The following SH3TC2 variants were observed in gnomAD, a reference collection of about 807,000 sequenced individuals.
SH3TC2 encodes the protein SH3 domain and tetratricopeptide repeat-containing protein 2.
A neutral mutation model predicts 124.5 loss-of-function variants in SH3TC2; 87 were observed. The observed-to-expected ratio is 0.70, with a 90% CI of 0.59 to 0.84. SH3TC2 has a LOEUF of 0.84. Ranked by LOEUF, SH3TC2 falls within the 40% of genes least tolerant of loss-of-function variation. The pLI is 0.00. For synonymous variants in SH3TC2, 634 were observed against 628.5 expected, an observed-to-expected ratio of 1.01 and a Z score of -0.13; for missense variants, 1,536 against 1,566.4, an observed-to-expected ratio of 0.98 and a Z score of 0.33.
At chr5:149,052,307 G>T in intron 1 of SH3TC2, 67 bp from the exon 2 acceptor site, 2 of 1,296,192 alleles carry the variant, frequency 1.5e-6, no homozygotes, top group Non-Finnish European at 2.2e-6. Flanking sequence ...TATAAGCAAG[G>T]CTGTAGTTTT....
At chr5:149,010,680 T>C (rs990785677) in intron 13 of SH3TC2, among the ~76,000 whole-genome samples, 7 of 151,952 alleles carry the variant, frequency 4.6e-5, no homozygotes, top group Admixed American at 3.9e-4. Flanking sequence ...TTTTAATGTG[T>C]TTTAGAAAAA....
Position 149,004,762 on chromosome 5 carries a change from C to A in SH3TC2, c.3816G>T (p.Gly1272=), listed in dbSNP as rs1038817068. 1.2e-6 allele frequency: 2 copies of A among 1,614,074 alleles called. No individual in the cohort carries two copies. The highest frequency in any genetic ancestry group is 1.7e-6 in the Non-Finnish European group (2 of 1,180,026). Residue 1272 remains glycine, a synonymous_variant, in exon 17 of 17, where the codon GGG becomes GGT. Transcript: ENST00000515425. ...GCCACCGCGCCCTCTCTGAGGAGCA[C>A]CCGGAGGGCCTGCTGTGCCACAGGG... The part of the protein sequence containing the change: ...QSPLWHSRPS[G]CSSERARWLS...
intron 12 of SH3TC2, among the ~76,000 whole-genome samples, chr5:149,022,805 A>G (rs1753997167): frequency 6.6e-6 from 1 of 152,228 alleles, no homozygotes; most frequent in Non-Finnish European, 1.5e-5. Context: ...CAAATACTGT[A>G]TGATACCATT....
intron 6 of SH3TC2, 138 bp from the exon 7 acceptor site, chr5:149,040,815 G>A: frequency 1.3e-6 from 1 of 795,376 alleles, no homozygotes. Context: ...AGTTTATTGA[G>A]AACTTACTTT....
chr5:149,038,437 G>A lies in SH3TC2; in HGVS notation c.859C>T (p.Leu287=). Residue 287 remains leucine (L), a synonymous_variant, in exon 8 of 17, where the codon CTG becomes TTG. Transcript: ENST00000515425. ...ATGCTTTCTCCCTGGTAGAAATTCA[G>A]TTCATCCTTTTCTCCTGGCTCATAA... ...TGYEPGEKDE[L]NFYQGESIEI... is the part of the protein sequence containing the mutation. 2 of 1,614,160 alleles carry A rather than the reference G, an allele frequency of 1.2e-6. No individual in the cohort carries two copies. Among genetic ancestry groups the A allele is most frequent in the Non-Finnish European group, 1.7e-6 (2 of 1,180,022 alleles).
rs1245770490 is a variant in SH3TC2, at chr5:149,008,882, G to A, written c.3447C>T (p.Ala1149=). Residue 1149 remains alanine, a synonymous_variant, in exon 15 of 17, where the codon GCC becomes GCT. Coordinates refer to ENST00000515425, the MANE Select transcript of SH3TC2 (RefSeq NM_024577.4). ...CTGTGCTGAGCCTGGCGGCCAGGGT[G>A]GCAAATTCCAAAGCCTTCTCATAGC... ...LEGYEKALEF[A]TLAARLSTVT... is the part of the protein sequence containing the mutation. The A allele has an allele frequency of 1.2e-6, 2 of 1,614,186 alleles. No individual in the cohort carries two copies. Among genetic ancestry groups the A allele is most frequent in the Non-Finnish European group, 1.7e-6 (2 of 1,180,036 alleles).
In SH3TC2 at chr5:149,040,596, A is replaced by C; in HGVS notation, c.805+8T>G. ...CCTAACAATACTATGTTTTTGACTC[A>C]GCCATACCAATCTGATAGGAGCCTG... is the stretch of plus-strand genomic sequence containing the variant. On this transcript the variant is annotated splice_region_variant and intron_variant, in intron 7 of 16. Transcript: ENST00000515425. 1 of 1,612,658 alleles carries C rather than the reference A, an allele frequency of 6.2e-7. No homozygotes were observed. The highest frequency in any genetic ancestry group is 1.1e-5 in the South Asian group (1 of 91,058).
rs978398733 is a variant in SH3TC2, at chr5:149,042,851, C to A, written c.386-14G>T. ...TGGATACGTAGCCTAAGAAGTCAAG[C>A]CAACAAGATTTCTGAACAAAATGAT... On this transcript the variant is annotated splice_polypyrimidine_tract_variant and intron_variant, in intron 4 of 16. Transcript: ENST00000515425. 1 of 1,613,900 alleles carries A rather than the reference C, an allele frequency of 6.2e-7. No individual in the cohort carries two copies.
At position 148,996,514 on chromosome 5, in the gene SH3TC2, A is replaced by G. The variant is rs1753512448; in HGVS notation, c.*8197T>C. Among the ~76,000 whole-genome samples the G allele has an allele frequency of 6.6e-6, 1 of 152,186 alleles. No individual in the cohort carries two copies. Among genetic ancestry groups the G allele is most frequent in the South Asian group, 2.1e-4 (1 of 4,830 alleles). ...AAAGTTAGTTTTGTTTTGTTTTATG[A>G]ATAAGTAGCTTTTTGGTCACCAGGA... On this transcript the variant is annotated 3_prime_UTR_variant, in exon 17 of 17. Transcript: ENST00000515425.
In SH3TC2 at chr5:149,003,849, C is replaced by CAAAA. The variant is rs5872107; in HGVS notation, c.*858_*861dup. The CAAAA allele has an allele frequency of 6.8e-4, 116 of 171,836 alleles. No homozygotes were observed. Among genetic ancestry groups the CAAAA allele is most frequent in the South Asian group, 1.8e-3 (41 of 23,356 alleles). The allele number at this position is 171,836 out of a possible 1,614,324, so 10.6% of individuals were successfully genotyped here. ...CTGGGCAACAGAGGAGAAACTGTCT[C>CAAAA]AAAAAAAAAAAAAAAAAAAAAAGAC... On this transcript the variant is annotated 3_prime_UTR_variant, in exon 17 of 17. Transcript: ENST00000515425.
intron 1 of SH3TC2, among the ~76,000 whole-genome samples, chr5:149,062,060 G>C (rs565375526): frequency 1.3e-5 from 2 of 152,258 alleles, no homozygotes; most frequent in South Asian, 4.1e-4. Flanking sequence ...GTCTGTCAGA[G>C]AGTAGAAAGC....
In SH3TC2 at chr5:148,994,722, GGATGGATGGATGGATGAATA is replaced by G. The variant is rs1753479257; in HGVS notation, c.*9969_*9988del. On this transcript the variant is annotated 3_prime_UTR_variant, in exon 17 of 17. Coordinates refer to ENST00000515425, the MANE Select transcript of SH3TC2 (RefSeq NM_024577.4). ...AGGATGGATGGATGGATGGATGGAT[GGATGGATGGATGGATGAATA>G]GATGGATGAATAGATGGATGAATAG... Among the ~76,000 whole-genome samples, 1 of 151,750 alleles carries G rather than the reference GGATGGATGGATGGATGAATA, an allele frequency of 6.6e-6. No individual in the cohort carries two copies. Among genetic ancestry groups the G allele is most frequent in the African/African-American group, 2.4e-5 (1 of 41,232 alleles).
chr5:149,034,364 A>G (rs1754247921), intron 8 of SH3TC2: 1 of 201,340 alleles, frequency 5.0e-6, no homozygotes, highest in Admixed American at 5.8e-5. Context: ...ATTAAGCAAG[A>G]ATGAGGATAG....
rs548290965 is a variant in SH3TC2, at chr5:148,998,844, G to C, written c.*5867C>G. ...AGTCCCCTGAGTTCTGGAATAATCA[G>C]ACAGAGTTGGGAGAGTGAGGGGGTA... On this transcript the variant is annotated 3_prime_UTR_variant, in exon 17 of 17. Coordinates refer to ENST00000515425, the MANE Select transcript of SH3TC2 (RefSeq NM_024577.4). Among the ~76,000 whole-genome samples the C allele has an allele frequency of 6.6e-6, 1 of 152,162 alleles. No individual in the cohort carries two copies. Among genetic ancestry groups the C allele is most frequent in the Non-Finnish European group, 1.5e-5 (1 of 68,022 alleles).
At chr5:149,048,073 A>C in intron 2 of SH3TC2, 84 bp from the exon 3 acceptor site, 1 of 1,580,804 alleles carries the variant, frequency 6.3e-7, no homozygotes, top group East Asian at 2.3e-5. Context: ...AGTTTCCCCT[A>C]CATGTATACC....
intron 12 of SH3TC2, among the ~76,000 whole-genome samples, chr5:149,018,461 A>G (rs965380550): frequency 2.0e-5 from 3 of 152,196 alleles, no homozygotes; most frequent in South Asian, 4.1e-4. Context: ...CCTCACAATC[A>G]TGGCAGAAGG....
intron 2 of SH3TC2, among the ~76,000 whole-genome samples, chr5:149,050,340 T>C (rs1198953429): frequency 6.6e-6 from 1 of 152,214 alleles, no homozygotes; most frequent in East Asian, 1.9e-4. Flanking sequence ...ATAATATGTC[T>C]GACTGATTCT....
intron 3 of SH3TC2, chr5:149,047,452 TA>T: frequency 3.9e-6 from 1 of 257,438 alleles, no homozygotes; most frequent in Non-Finnish European, 7.7e-6. Context: ...ATCATACACT[TA>T]AAAAATGATT....
In SH3TC2 at chr5:148,999,666, T is replaced by C. The variant is rs1753564896; in HGVS notation, c.*5045A>G. On this transcript the variant is annotated 3_prime_UTR_variant, in exon 17 of 17. Transcript: ENST00000515425. Reference sequence around the variant, plus strand: ...AGAAGAACATTAGTGGGGAAAACTGTTGATATCTGAATCAAGGCTGGAGTG... The same window carrying C: ...AGAAGAACATTAGTGGGGAAAACTGCTGATATCTGAATCAAGGCTGGAGTG... Among the ~76,000 whole-genome samples, 1 of 152,232 alleles carries C rather than the reference T, an allele frequency of 6.6e-6. No individual in the cohort carries two copies. Among genetic ancestry groups the C allele is most frequent in the Non-Finnish European group, 1.5e-5 (1 of 68,032 alleles).
Sources: gnomAD v4.1 joint callset for allele counts (sites outside exome capture counted in the v4.1 genomes callset) on GRCh38, gnomAD v4.1.1 for gene constraint, MANE v1.5 for transcripts, NCBI Gene and HGNC (gene_info 2026-07-23, HGNC 2026-07-21) for gene names.